The following MAD1L1 variants were observed in gnomAD, a reference collection of about 807,000 sequenced individuals.
MAD1L1 encodes mitotic arrest deficient 1 like 1.
Under a neutral mutation model 96.9 loss-of-function variants are expected in MAD1L1, and 95 were observed. That is an observed-to-expected ratio of 0.98 (90% CI 0.83 to 1.16). The LOEUF is 1.16. MAD1L1 is among the 50% of genes most tolerant of loss of function. MAD1L1 has a pLI of 0.00. For missense variants in MAD1L1, 1,007 were observed against 954.4 expected, an observed-to-expected ratio of 1.06 and a Z score of -0.73; for synonymous variants, 473 against 396.6, an observed-to-expected ratio of 1.19 and a Z score of -2.29.
At chr7:1,895,126 A>G (rs1002353684) in intron 18 of MAD1L1, among the ~76,000 whole-genome samples, 1 of 152,240 alleles carries the variant, frequency 6.6e-6, no homozygotes, top group African/African-American at 2.4e-5. Context: ...AGCTGGGCCC[A>G]GGTGAAGAGG....
chr7:1,979,655 C>T (rs1780803968), intron 15 of MAD1L1, among the ~76,000 whole-genome samples: 2 of 152,240 alleles, frequency 1.3e-5, no homozygotes, highest in South Asian at 2.1e-4. Flanking sequence ...CTAGGGGCGC[C>T]GTGTGCAAGC....
chr7:1,945,550 G>T (rs1461998607), intron 16 of MAD1L1, among the ~76,000 whole-genome samples: 4 of 152,244 alleles, frequency 2.6e-5, no homozygotes, highest in Non-Finnish European at 5.9e-5. Context: ...AGCAGAGGGT[G>T]TGGGAGAGGT....
chr7:1,954,404 G>A (rs1360480220), intron 16 of MAD1L1, among the ~76,000 whole-genome samples: 1 of 152,160 alleles, frequency 6.6e-6, no homozygotes, highest in Non-Finnish European at 1.5e-5. Flanking sequence ...CTATGAGGTG[G>A]CGCATCAGAG....
intron 12 of MAD1L1, among the ~76,000 whole-genome samples, chr7:2,033,956 C>T (rs553665882): frequency 9.2e-5 from 14 of 152,190 alleles, no homozygotes; most frequent in African/African-American, 2.9e-4. Flanking sequence ...ATTAGCCAGG[C>T]GGGGCGGCAT....
chr7:2,024,413 C>T (rs1370111797), intron 12 of MAD1L1, among the ~76,000 whole-genome samples: 2 of 152,246 alleles, frequency 1.3e-5, no homozygotes, highest in African/African-American at 4.8e-5. Flanking sequence ...GTGAGCCAGG[C>T]AGCTGCATAC....
At chr7:2,134,456 T>G (rs1460445635) in intron 11 of MAD1L1, among the ~76,000 whole-genome samples, 2 of 152,190 alleles carry the variant, frequency 1.3e-5, no homozygotes, top group Non-Finnish European at 2.9e-5. Flanking sequence ...CTTCCTTCCT[T>G]TATTCCCTCT....
intron 10 of MAD1L1, among the ~76,000 whole-genome samples, chr7:2,152,268 C>T (rs1044250178): frequency 6.6e-6 from 1 of 152,220 alleles, no homozygotes; most frequent in African/African-American, 2.4e-5. Context: ...GACCAGGCCC[C>T]CATCATAGGG....
chr7:1,948,274 C>T (rs977099947), intron 16 of MAD1L1, among the ~76,000 whole-genome samples: 64 of 152,140 alleles, frequency 4.2e-4, no homozygotes, highest in African/African-American at 1.5e-3. Context: ...TGCGAGTGAG[C>T]CCACCCACCT....
At chr7:1,957,998 G>A (rs1046360370) in intron 15 of MAD1L1, among the ~76,000 whole-genome samples, 4 of 152,236 alleles carry the variant, frequency 2.6e-5, no homozygotes, top group African/African-American at 4.8e-5. Flanking sequence ...TGGAAGCACA[G>A]AGGGAACCAG....
chr7:1,969,996 A>C (rs1320385322), intron 15 of MAD1L1, among the ~76,000 whole-genome samples: 2 of 152,228 alleles, frequency 1.3e-5, no homozygotes, highest in Non-Finnish European at 2.9e-5. Context: ...TGACCTCAAA[A>C]TTTATGAGAA....
rs374109975 is a variant in MAD1L1 at position 2,215,980 on chromosome 7, C to T, written c.829G>A (p.Gly277Arg). The change falls in exon 9 of 19, where the codon GGG (glycine) becomes AGG (arginine). Residue 277 changes from glycine (G) to arginine (R), a missense_variant. Transcript: ENST00000265854. Reference protein sequence around the residue: ...AHLREMRETNGLLQEELEGLQ... With the variant: ...AHLREMRETNRLLQEELEGLQ... ...CCTTCCAGCTCTTCCTGGAGCAGCC[C>T]GTTGGTCTCTCTCATCTCCCTGGCA... The T allele has an allele frequency of 1.9e-6, 3 of 1,614,160 alleles. No individual in the cohort carries two copies. The highest frequency in any genetic ancestry group is 1.6e-4 in the Middle Eastern group (1 of 6,062).
In MAD1L1 at chr7:2,069,260, C is replaced by T. The variant is rs901734626; in HGVS notation, c.1152G>A (p.Arg384=). 9 of 1,612,052 alleles carry T rather than the reference C, an allele frequency of 5.6e-6. No homozygotes were observed. The highest frequency in any genetic ancestry group is 4.2e-6 in the Non-Finnish European group (5 of 1,179,670). Residue 384 remains arginine, a synonymous_variant, in exon 12 of 19, where the codon AGG becomes AGA. Coordinates refer to ENST00000265854, the MANE Select transcript of MAD1L1 (RefSeq NM_001013836.2). ...GCGCCTCGTGGGTCTCGCGCTTCTT[C>T]CTCTCCTCCAACAGCTGGCCGCTGA... is the stretch of plus-strand genomic sequence containing the variant. The part of the protein sequence containing the change: ...RQVSGQLLEE[R]KKRETHEALA...
chr7:2,014,297 G>A (rs951242073), intron 13 of MAD1L1, among the ~76,000 whole-genome samples: 2 of 152,162 alleles, frequency 1.3e-5, no homozygotes, highest in Non-Finnish European at 2.9e-5. Flanking sequence ...TGACAGCGGA[G>A]GATGCTGCAG....
intron 12 of MAD1L1, among the ~76,000 whole-genome samples, chr7:2,028,232 T>C (rs1397961559): frequency 6.6e-6 from 1 of 151,968 alleles, no homozygotes; most frequent in Non-Finnish European, 1.5e-5. Context: ...GAGACCATCC[T>C]GGCTAACACG....
At chr7:1,965,824 C>T (rs1002086116) in intron 15 of MAD1L1, among the ~76,000 whole-genome samples, 2 of 152,284 alleles carry the variant, frequency 1.3e-5, no homozygotes, top group African/African-American at 4.8e-5. Flanking sequence ...ACCTCCATGA[C>T]ACCAGCAAAG....
chr7:2,162,359 TG>T (rs1247746585), intron 10 of MAD1L1, among the ~76,000 whole-genome samples: 1 of 152,184 alleles, frequency 6.6e-6, no homozygotes, highest in Non-Finnish European at 1.5e-5. Flanking sequence ...CGGTGCAGGA[TG>T]TGCTTTGTTA....
intron 18 of MAD1L1, among the ~76,000 whole-genome samples, chr7:1,889,471 C>A (rs1786400557): frequency 1.3e-5 from 2 of 152,316 alleles, no homozygotes; most frequent in South Asian, 4.2e-4. Context: ...AGGCCCAGCC[C>A]AGGGGCTCCA....
chr7:1,974,998 G>A (rs781438690), intron 15 of MAD1L1, among the ~76,000 whole-genome samples: 9 of 152,242 alleles, frequency 5.9e-5, no homozygotes, highest in Non-Finnish European at 1.3e-4. Context: ...TGTGGTCACC[G>A]GCACCACCTG....
intron 12 of MAD1L1, among the ~76,000 whole-genome samples, chr7:2,047,698 T>C (rs1262664808): frequency 1.3e-5 from 2 of 151,996 alleles, no homozygotes; most frequent in African/African-American, 4.8e-5. Flanking sequence ...CACTCACACA[T>C]GTGCATGCTC....
Sources: allele counts gnomAD v4.1 joint callset (sites outside exome capture counted in the v4.1 genomes callset), GRCh38; gene constraint gnomAD v4.1.1; transcripts MANE v1.5; gene names NCBI Gene and HGNC (gene_info 2026-07-23, HGNC 2026-07-21).